The following NKAIN3 variants were observed in gnomAD, a reference collection of about 807,000 sequenced individuals.
NKAIN3 encodes the protein sodium/potassium-transporting ATPase subunit beta-1-interacting protein 3.
NKAIN3 carries 25 observed loss-of-function variants against 30.2 expected under a neutral mutation model. The observed-to-expected ratio is 0.83, with a 90% CI of 0.60 to 1.16. NKAIN3 has a LOEUF of 1.16. NKAIN3 is among the 50% of genes most tolerant of loss of function. The pLI is 0.00. For synonymous variants in NKAIN3, 91 were observed against 89.6 expected (o/e 1.02, Z -0.09); for missense variants, 225 against 254.1 (o/e 0.89, Z 0.78).
At chr8:62,907,723 G>A (rs1821822783) in intron 4 of NKAIN3, among the ~76,000 whole-genome samples, 1 of 152,214 alleles carries the variant, frequency 6.6e-6, no homozygotes, top group African/African-American at 2.4e-5. Context: ...GCTTGCAGAG[G>A]CACAGAAATT....
At chr8:62,309,586 G>C (rs573883072) in intron 1 of NKAIN3, among the ~76,000 whole-genome samples, 1 of 150,318 alleles carries the variant, frequency 6.7e-6, no homozygotes, top group East Asian at 1.9e-4. Flanking sequence ...TGCAAATTAT[G>C]GCTCTGTACT....
intron 4 of NKAIN3, among the ~76,000 whole-genome samples, chr8:62,849,700 C>T (rs927870292): frequency 1.9e-4 from 27 of 142,326 alleles, no homozygotes; most frequent in African/African-American, 5.4e-4. Context: ...TGAGAACATG[C>T]GGTGTTTGGT....
At position 62,417,383 on chromosome 8, in the gene NKAIN3, A is replaced by T. The variant is rs142746873; in HGVS notation, c.55-162156A>T. On this transcript the variant is annotated intron_variant, in intron 1 of 6. Coordinates refer to ENST00000623646, the MANE Select transcript of NKAIN3 (RefSeq NM_001304533.3). ...TTTATCCATTCACCTGTTGATGGACACAAGTTGCTTCCAAATCTTGAATAT... is the reference window on the plus strand; with the variant it reads ...TTTATCCATTCACCTGTTGATGGACTCAAGTTGCTTCCAAATCTTGAATAT... Among the ~76,000 whole-genome samples the T allele has an allele frequency of 3.7e-4, 56 of 152,314 alleles. 1 individual carries two copies. The East Asian group carries it at 9.1e-3, about 25-fold the overall frequency.
intron 1 of NKAIN3, among the ~76,000 whole-genome samples, chr8:62,518,225 T>C (rs1808053448): frequency 6.6e-6 from 1 of 152,094 alleles, no homozygotes; most frequent in African/African-American, 2.4e-5. Flanking sequence ...CCAGGCATGG[T>C]GGTTTGCACC....
rs201511724 is a variant in NKAIN3 at position 62,454,301 on chromosome 8, CAA to C, written c.55-125217_55-125216del. Among the ~76,000 whole-genome samples the C allele has an allele frequency of 7.4e-3, 413 of 56,128 alleles. 6 individuals are homozygous for C. The highest frequency in any genetic ancestry group is 0.018 in the African/African-American group (326 of 17,798). The allele number at this position is 56,128 out of a possible 152,430, so 36.8% of individuals were successfully genotyped here. Reference sequence around the variant, plus strand: ...ACCAACACTAACAATAGCTGATGTGCAAAAAAAAAAAAAAAAAAAAAATCTGA... The same window carrying C: ...ACCAACACTAACAATAGCTGATGTGCAAAAAAAAAAAAAAAAAAAATCTGA... On this transcript the variant is annotated intron_variant, in intron 1 of 6. Coordinates refer to ENST00000623646, the MANE Select transcript of NKAIN3 (RefSeq NM_001304533.3).
chr8:62,714,364 C>G (rs1814821385), intron 3 of NKAIN3, among the ~76,000 whole-genome samples: 1 of 151,766 alleles, frequency 6.6e-6, no homozygotes, highest in Non-Finnish European at 1.5e-5. Flanking sequence ...GACTGCTTTT[C>G]TTAGCTATAA....
chr8:62,680,316 C>G (rs938949475), intron 3 of NKAIN3, among the ~76,000 whole-genome samples: 7 of 152,146 alleles, frequency 4.6e-5, no homozygotes, highest in South Asian at 2.1e-4. Flanking sequence ...TTGTGGAACT[C>G]TAAGCACAAT....
intron 3 of NKAIN3, among the ~76,000 whole-genome samples, chr8:62,679,536 G>A (rs763730306): frequency 2.6e-4 from 40 of 152,182 alleles, no homozygotes; most frequent in Admixed American, 1.6e-3. Flanking sequence ...AAAGAAAAGG[G>A]ATTTAATTGG....
At chr8:62,875,980 A>C (rs987416544) in intron 4 of NKAIN3, among the ~76,000 whole-genome samples, 1 of 152,218 alleles carries the variant, frequency 6.6e-6, no homozygotes, top group East Asian at 1.9e-4. Context: ...GACAAATGAG[A>C]TCTAATTAAA....
chr8:62,656,165 C>T (rs1332200502), intron 3 of NKAIN3, among the ~76,000 whole-genome samples: 1 of 152,098 alleles, frequency 6.6e-6, no homozygotes, highest in Non-Finnish European at 1.5e-5. Flanking sequence ...ATTTTGCTGC[C>T]ATTTTGTGCC....
At chr8:62,361,397 AAT>A (rs1258872457) in intron 1 of NKAIN3, among the ~76,000 whole-genome samples, 1 of 152,234 alleles carries the variant, frequency 6.6e-6, no homozygotes, top group Non-Finnish European at 1.5e-5. Context: ...TCCTTCCACT[AAT>A]AGCGTAAGCT....
chr8:62,398,208 A>C (rs13276498), intron 1 of NKAIN3, among the ~76,000 whole-genome samples: 64,472 of 151,858 alleles, frequency 0.42, 15,690 homozygotes, highest in Non-Finnish European at 0.54. Context: ...CCCCTGGGCA[A>C]AGGTGGAATT....
At chr8:62,602,427 A>G (rs1811008101) in intron 3 of NKAIN3, among the ~76,000 whole-genome samples, 1 of 152,072 alleles carries the variant, frequency 6.6e-6, no homozygotes, top group South Asian at 2.1e-4. Flanking sequence ...TATCTAGTTT[A>G]TTGACTCAAC....
chr8:62,289,964 T>A (rs1370956309), intron 1 of NKAIN3, among the ~76,000 whole-genome samples: 1 of 152,176 alleles, frequency 6.6e-6, no homozygotes, highest in Non-Finnish European at 1.5e-5. Context: ...TCACATCCCT[T>A]GTAAGTTGGA....
chr8:62,535,630 A>T (rs1205896408), intron 1 of NKAIN3, among the ~76,000 whole-genome samples: 1 of 152,144 alleles, frequency 6.6e-6, no homozygotes, highest in Non-Finnish European at 1.5e-5. Context: ...ATTGCAAAGG[A>T]TCAAGATGAG....
At chr8:62,724,679 G>C (rs558439325) in intron 3 of NKAIN3, among the ~76,000 whole-genome samples, 35 of 152,068 alleles carry the variant, frequency 2.3e-4, no homozygotes, top group African/African-American at 8.4e-4. Flanking sequence ...ATGACTTCCA[G>C]TTCCATCCAT....
chr8:62,855,630 A>G, intron 4 of NKAIN3: 1 of 1,603,972 alleles, frequency 6.2e-7, no homozygotes, highest in Non-Finnish European at 8.5e-7. Context: ...ATCAAATCCA[A>G]GGCCAAGGCC....
At chr8:62,481,310 T>A (rs533647129) in intron 1 of NKAIN3, among the ~76,000 whole-genome samples, 2 of 152,228 alleles carry the variant, frequency 1.3e-5, no homozygotes, top group African/African-American at 4.8e-5. Context: ...ACCCTCTTCA[T>A]CCTCCATTTG....
At chr8:62,391,270 A>G (rs375096609) in intron 1 of NKAIN3, among the ~76,000 whole-genome samples, 1 of 152,128 alleles carries the variant, frequency 6.6e-6, no homozygotes, top group East Asian at 1.9e-4. Flanking sequence ...ATTTTTCTGA[A>G]TTGTTTTGTA....
Sources: allele counts gnomAD v4.1 joint callset (sites outside exome capture counted in the v4.1 genomes callset), GRCh38; gene constraint gnomAD v4.1.1; transcripts MANE v1.5; gene names NCBI Gene and HGNC (gene_info 2026-07-23, HGNC 2026-07-21).